Variants in DENND2B observed in about 807,000 individuals in gnomAD.
DENND2B encodes the protein DENN domain-containing protein 2B.
Under a neutral mutation model 116.0 loss-of-function variants are expected in DENND2B, and 32 were observed. The observed-to-expected ratio is 0.28, with a 90% confidence interval of 0.21 to 0.37. DENND2B has a LOEUF of 0.37. Ranked by LOEUF, DENND2B falls within the 10% of genes least tolerant of loss-of-function variation. DENND2B has a pLI of 1.00. For synonymous variants in DENND2B, 588 were observed against 583.9 expected, an observed-to-expected ratio of 1.01 and a Z score of -0.10; for missense variants, 1,276 against 1,477.7, an observed-to-expected ratio of 0.86 and a Z score of 2.24.
rs2039819754 is a variant in DENND2B, at chr11:8,693,732, C to CAGG, written c.*363_*364insCCT. ...CGGGGACCTCAGGCAGGCAGGCAGG[C>CAGG]CGAAGGCCTCCAGGGAAGATCAGTG... On this transcript the variant is annotated 3_prime_UTR_variant, in exon 20 of 20. Coordinates refer to ENST00000313726, the MANE Select transcript of DENND2B (RefSeq NM_213618.2). 9.2e-6 allele frequency: 2 copies of CAGG among 218,070 alleles called. No individual in the cohort carries two copies. The highest frequency in any genetic ancestry group is 9.0e-6 in the Non-Finnish European group (1 of 111,152). 13.5% of individuals were successfully genotyped at this position (218,070 alleles called of 1,614,324 possible). A position where few individuals can be genotyped will look rare whatever the true frequency, so the allele number is the denominator to read the frequency against.
intron 1 of DENND2B, among the ~76,000 whole-genome samples, chr11:8,780,035 T>G (rs1289605718): frequency 1.3e-5 from 2 of 152,204 alleles, no homozygotes; most frequent in Non-Finnish European, 2.9e-5. Flanking sequence ...AGTCTGATTC[T>G]TTTCTCGCTA....
chr11:8,711,275 C>G, intron 9 of DENND2B, 44 bp from the exon 10 acceptor site: 1 of 1,586,720 alleles, frequency 6.3e-7, no homozygotes, highest in Non-Finnish European at 8.6e-7. Context: ...AACCTGAGGG[C>G]GGGTGGTGGT....
intron 1 of DENND2B, among the ~76,000 whole-genome samples, chr11:8,899,403 G>C (rs1462436506): frequency 6.6e-6 from 1 of 152,100 alleles, no homozygotes; most frequent in Non-Finnish European, 1.5e-5. Context: ...GAAACACCAA[G>C]GTTAAACTGT....
intron 4 of DENND2B, among the ~76,000 whole-genome samples, chr11:8,835,392 C>T (rs1422351725): frequency 1.3e-5 from 2 of 152,220 alleles, no homozygotes; most frequent in East Asian, 1.9e-4. Flanking sequence ...AAACCGTCTA[C>T]TTTCATTCCC....
At chr11:8,788,453 G>A (rs1393650716) in intron 1 of DENND2B, among the ~76,000 whole-genome samples, 1 of 152,154 alleles carries the variant, frequency 6.6e-6, no homozygotes, top group Non-Finnish European at 1.5e-5. Context: ...TAGAATGGTT[G>A]TCTTGCACTT....
chr11:8,890,989 A>G (rs144981187), intron 1 of DENND2B, among the ~76,000 whole-genome samples: 3,525 of 152,282 alleles, frequency 0.023, 49 homozygotes, highest in Middle Eastern at 0.034. Flanking sequence ...GGCAGCCAGA[A>G]AGAAAGGTCA....
chr11:8,824,254 A>G (rs995351280), intron 4 of DENND2B, among the ~76,000 whole-genome samples: 1 of 150,940 alleles, frequency 6.6e-6, no homozygotes, highest in East Asian at 1.9e-4. Flanking sequence ...TTATACAGGT[A>G]GACTTGTGTC....
chr11:8,854,226 G>T (rs944445254), intron 3 of DENND2B, among the ~76,000 whole-genome samples: 2 of 151,042 alleles, frequency 1.3e-5, no homozygotes, highest in African/African-American at 4.9e-5. Flanking sequence ...ATTTGAGACA[G>T]GGTCTTGCTC....
Position 8,696,435 on chromosome 11 carries a change from C to T in DENND2B, c.3284G>A (p.Arg1095Gln), listed in dbSNP as rs137996775. 191 of 1,614,008 alleles carry T rather than the reference C, an allele frequency of 1.2e-4. No individual in the cohort carries two copies. Among genetic ancestry groups the T allele is most frequent in the African/African-American group, 1.7e-4 (13 of 74,900 alleles). ...TGATAACCAAGACTTACCCTTTGCC[C>T]GACACTTTCTTAGCTCCCTGTCTTG... ...FIQDRELRKC[R>Q]AKGLFEQRVE... The change falls in exon 18 of 20, where the codon CGG becomes CAG. Residue 1095 changes from arginine to glutamine, a missense_variant. By Grantham distance (43) the Arg-to-Gln change is conservative. Transcript: ENST00000313726.
At chr11:8,724,147 T>A (rs1228534867) in intron 4 of DENND2B, among the ~76,000 whole-genome samples, 1 of 152,046 alleles carries the variant, frequency 6.6e-6, no homozygotes, top group Non-Finnish European at 1.5e-5. Context: ...TACAAAAAAA[T>A]TAGCCAGGTG....
chr11:8,825,510 T>A (rs762546210), intron 4 of DENND2B, among the ~76,000 whole-genome samples: 16 of 152,162 alleles, frequency 1.1e-4, no homozygotes, highest in Non-Finnish European at 2.1e-4. Flanking sequence ...TCATCAGGGA[T>A]GTTGCCCTGT....
chr11:8,833,033 A>G (rs551747130), intron 4 of DENND2B, among the ~76,000 whole-genome samples: 10 of 152,368 alleles, frequency 6.6e-5, no homozygotes, highest in African/African-American at 1.9e-4. Flanking sequence ...TCCAGGAAGC[A>G]GGCTTCATTT....
In DENND2B at chr11:8,702,205, A is replaced by G. The variant is rs2041833634; in HGVS notation, c.2720+367T>C. On this transcript the variant is annotated intron_variant, in intron 14 of 19. Coordinates refer to ENST00000313726, the MANE Select transcript of DENND2B (RefSeq NM_213618.2). This position sits in a 1 kb window ranked among gnomAD's most constrained non-coding sequence, Gnocchi z 4.6. Reference sequence around the variant, plus strand: ...TCCTCAAACTCAGCATCCCATTGAGATGGCTTTGCCTCCCCCTCCAGAAGA... The same window carrying G: ...TCCTCAAACTCAGCATCCCATTGAGGTGGCTTTGCCTCCCCCTCCAGAAGA... Among the ~76,000 whole-genome samples the G allele has an allele frequency of 6.6e-6, 1 of 152,144 alleles. No homozygotes were observed.
intron 2 of DENND2B, among the ~76,000 whole-genome samples, chr11:8,879,230 G>A (rs1040824094): frequency 2.6e-5 from 4 of 152,178 alleles, no homozygotes; most frequent in African/African-American, 9.7e-5. Flanking sequence ...TGAAGAAGGG[G>A]TAAGAGATGT....
In DENND2B at chr11:8,718,030, T is replaced by A. The variant is rs549826775; in HGVS notation, c.1478-138A>T. Reference sequence around the variant, plus strand: ...GCCTGGCCCCTCAGCTCATGAGTCATGCAGCTGCCCGTCTGCAGTGGGGAG... The same window carrying A: ...GCCTGGCCCCTCAGCTCATGAGTCAAGCAGCTGCCCGTCTGCAGTGGGGAG... On this transcript the variant is annotated intron_variant, in intron 4 of 19. Coordinates refer to ENST00000313726, the MANE Select transcript of DENND2B (RefSeq NM_213618.2). 1.3e-5 allele frequency: 12 copies of A among 908,626 alleles called. No homozygotes were observed. In the Admixed American group the frequency reaches 3.3e-4, roughly 25 times the overall value. The allele number at this position is 908,626 out of a possible 1,614,324, so 56.3% of individuals were successfully genotyped here.
At chr11:8,833,437 AT>A (rs2062295009) in intron 4 of DENND2B, among the ~76,000 whole-genome samples, 1 of 152,194 alleles carries the variant, frequency 6.6e-6, no homozygotes, top group African/African-American at 2.4e-5. Flanking sequence ...CCTAATACAG[AT>A]TCCATAAAAT....
chr11:8,901,229 C>CTTTTCTT (rs781408078), intron 1 of DENND2B, among the ~76,000 whole-genome samples: 11,758 of 84,338 alleles, frequency 0.14, 1,429 homozygotes, highest in African/African-American at 0.22. Context: ...CTTTTCTTTT[C>CTTTTCTT]TTTTTTTTTT....
At chr11:8,841,184 TTTAA>T (rs1393803156) in intron 3 of DENND2B, among the ~76,000 whole-genome samples, 2 of 152,218 alleles carry the variant, frequency 1.3e-5, no homozygotes, top group Admixed American at 1.3e-4. Context: ...TTGACTTGTT[TTTAA>T]TTTATTTATT....
chr11:8,880,375 G>GTGTA (rs2063891044), intron 2 of DENND2B, among the ~76,000 whole-genome samples: 1 of 151,830 alleles, frequency 6.6e-6, no homozygotes, highest in Non-Finnish European at 1.5e-5. Context: ...GTGTGTGTGT[G>GTGTA]TGTGTGTGTA....
Sources: allele counts gnomAD v4.1 joint callset (sites outside exome capture counted in the v4.1 genomes callset), GRCh38; gene constraint gnomAD v4.1.1; non-coding constraint Gnocchi (gnomAD v3.1); transcripts MANE v1.5; gene names NCBI Gene and HGNC (gene_info 2026-07-23, HGNC 2026-07-21).